RSPO4: variants seen among roughly 807,000 people sequenced by gnomAD.
The protein encoded by RSPO4 is R-spondin-4.
RSPO4 carries 23 observed loss-of-function variants against 24.8 expected under a neutral mutation model. The observed-to-expected ratio is 0.93, with a 90% CI of 0.67 to 1.31. RSPO4 has a LOEUF of 1.31. Among genes scored for constraint, RSPO4 ranks in the 40% most tolerant of loss-of-function variants. The pLI is 0.00. For missense variants in RSPO4, 333 were observed against 316.5 expected (o/e 1.05, Z -0.39); for synonymous variants, 141 against 127.4 (o/e 1.11, Z -0.72).
chr20:994,670 C>T (rs1769002655), intron 1 of RSPO4, among the ~76,000 whole-genome samples: 1 of 150,946 alleles, frequency 6.6e-6, no homozygotes, highest in Admixed American at 6.6e-5. Context: ...GATTCTCATG[C>T]CTCAGCCTCC....
intron 1 of RSPO4, among the ~76,000 whole-genome samples, chr20:979,608 G>C (rs1000844899): frequency 2.6e-5 from 4 of 152,188 alleles, no homozygotes; most frequent in Non-Finnish European, 5.9e-5. Context: ...TTCTCCCCAA[G>C]ATATGTAAGC....
intron 1 of RSPO4, among the ~76,000 whole-genome samples, chr20:983,295 T>TGGG (rs1984801045): frequency 1.3e-5 from 2 of 151,876 alleles, no homozygotes; most frequent in East Asian, 3.9e-4. Context: ...GAATGCAGTT[T>TGGG]CCTATCGGAA....
chr20:998,818 C>T (rs892277499), intron 1 of RSPO4, among the ~76,000 whole-genome samples: 2 of 152,148 alleles, frequency 1.3e-5, no homozygotes, highest in Non-Finnish European at 2.9e-5. Flanking sequence ...GAATGAAGCA[C>T]TGCCAATACC....
intron 1 of RSPO4, among the ~76,000 whole-genome samples, chr20:996,782 G>A (rs775723679): frequency 6.6e-6 from 1 of 152,040 alleles, no homozygotes; most frequent in Admixed American, 6.6e-5. Context: ...CCTCCATGAC[G>A]GGACTCTGGC....
intron 1 of RSPO4, among the ~76,000 whole-genome samples, chr20:980,305 C>T (rs1180039302): frequency 6.6e-6 from 1 of 152,114 alleles, no homozygotes; most frequent in Non-Finnish European, 1.5e-5. Context: ...TGCAGAGTCC[C>T]TTACCTACTG....
chr20:964,772 A>T (rs1002523714), intron 3 of RSPO4, among the ~76,000 whole-genome samples: 1 of 143,538 alleles, frequency 7.0e-6, no homozygotes, highest in Non-Finnish European at 1.5e-5. Flanking sequence ...ATACACACAC[A>T]CACACATATA....
At chr20:994,329 C>T (rs866145186) in intron 1 of RSPO4, among the ~76,000 whole-genome samples, 122 of 152,156 alleles carry the variant, frequency 8.0e-4, no homozygotes, top group African/African-American at 2.8e-3. Context: ...CCTGATGGTG[C>T]CTATAGCCCA....
intron 1 of RSPO4, among the ~76,000 whole-genome samples, chr20:994,463 G>A (rs1163658490): frequency 6.6e-6 from 1 of 152,134 alleles, no homozygotes; most frequent in Non-Finnish European, 1.5e-5. Context: ...TAACTCTAGA[G>A]GCCCTTAAGA....
rs759063553 is a variant in RSPO4 at position 960,390 on chromosome 20, G to A, written c.672C>T (p.Asp224=). The part of the protein sequence containing the change: ...RKDRKLDRRL[D]VRPRQPGLQP ...GCAGGCCGGGCTGGCGCGGCCTCACGTCCAGCCTGCGGTCCAGCTTCCTGT... is the reference window on the plus strand; with the variant it reads ...GCAGGCCGGGCTGGCGCGGCCTCACATCCAGCCTGCGGTCCAGCTTCCTGT... The change falls in exon 5 of 5, where the codon GAC becomes GAT. Residue 224 remains aspartate (D), a synonymous_variant. Coordinates refer to ENST00000217260, the MANE Select transcript of RSPO4 (RefSeq NM_001029871.4). The A allele has an allele frequency of 8.4e-6, 13 of 1,538,480 alleles. No individual in the cohort carries two copies. Among genetic ancestry groups the A allele is most frequent in the Middle Eastern group, 3.4e-4 (2 of 5,832 alleles).
At chr20:978,892 G>T (rs1040329450) in intron 1 of RSPO4, among the ~76,000 whole-genome samples, 1 of 151,960 alleles carries the variant, frequency 6.6e-6, no homozygotes, top group Non-Finnish European at 1.5e-5. Flanking sequence ...CCCCGCTAAG[G>T]TGCCAATACA....
chr20:963,210 C>T (rs962204881), intron 4 of RSPO4, among the ~76,000 whole-genome samples: 2 of 152,172 alleles, frequency 1.3e-5, no homozygotes, highest in African/African-American at 4.8e-5. Context: ...GACGAGCTGT[C>T]CCCCTGTTCC....
chr20:997,329 A>C (rs998377917), intron 1 of RSPO4, among the ~76,000 whole-genome samples: 1 of 152,204 alleles, frequency 6.6e-6, no homozygotes, highest in Non-Finnish European at 1.5e-5. Flanking sequence ...GAAAAGCAGC[A>C]TCTCTTTTGC....
intron 1 of RSPO4, among the ~76,000 whole-genome samples, chr20:999,709 A>G (rs981936953): frequency 2.0e-5 from 3 of 152,082 alleles, no homozygotes; most frequent in African/African-American, 7.2e-5. Flanking sequence ...AATTGCGGCC[A>G]TATCCCTACC....
intron 3 of RSPO4, among the ~76,000 whole-genome samples, chr20:964,781 T>TATATACAC (rs1984134149): frequency 5.9e-5 from 8 of 136,352 alleles, no homozygotes; most frequent in African/African-American, 2.5e-4. Context: ...CACACACATA[T>TATATACAC]ATATATACAC....
chr20:989,559 G>A (rs1405470862), intron 1 of RSPO4, among the ~76,000 whole-genome samples: 1 of 152,150 alleles, frequency 6.6e-6, no homozygotes, highest in Non-Finnish European at 1.5e-5. Flanking sequence ...AAAGGGGAAA[G>A]AGACCCAGTG....
At chr20:969,226 G>C (rs1334621546) in intron 1 of RSPO4, among the ~76,000 whole-genome samples, 2 of 152,264 alleles carry the variant, frequency 1.3e-5, no homozygotes, top group Non-Finnish European at 2.9e-5. Context: ...TAAGGTGGGA[G>C]GATCGCCTGA....
rs1984102748 is a variant in RSPO4 at position 964,085 on chromosome 20, G to C, written c.445C>G (p.Pro149Ala). 1.9e-5 allele frequency: 31 copies of C among 1,613,490 alleles called. No individual in the cohort carries two copies. Among genetic ancestry groups the C allele is most frequent in the Non-Finnish European group, 2.6e-5 (31 of 1,179,818 alleles). Residue 149 changes from proline to alanine, a missense_variant, in exon 4 of 5, where the codon CCC becomes GCC. Physicochemically the swap from Pro to Ala is conservative, Grantham distance 27 (BLOSUM62 -1). Transcript: ENST00000217260. ...CELGPWGGWS[P>A]CTHNGKTCGS... ...CAGGTCTTTCCATTGTGTGTGCAGGGGCTCCAGCCGCCCCAGGGACCCAGT... is the reference window on the plus strand; with the variant it reads ...CAGGTCTTTCCATTGTGTGTGCAGGCGCTCCAGCCGCCCCAGGGACCCAGT...
chr20:1,001,806 T>A (rs1436930218), intron 1 of RSPO4, among the ~76,000 whole-genome samples: 1 of 152,050 alleles, frequency 6.6e-6, no homozygotes, highest in African/African-American at 2.4e-5. Context: ...CACGAAGCCA[T>A]CCTCCTTTCT....
Position 985,044 on chromosome 20 carries a change from CAATCACCCACCCATCT to C in RSPO4, c.80-16922_80-16907del, listed in dbSNP as rs1268772022. On this transcript the variant is annotated intron_variant, in intron 1 of 4. Coordinates refer to ENST00000217260, the MANE Select transcript of RSPO4 (RefSeq NM_001029871.4). Reference sequence around the variant, plus strand: ...CCATCCACCAACCCATCTATCCATCCAATCACCCACCCATCTATCCATCCACCAACCCATCTATCCA... The same window carrying C: ...CCATCCACCAACCCATCTATCCATCCATCCATCCACCAACCCATCTATCCA... 9.9e-5 allele frequency among the ~76,000 whole-genome samples: 10 copies of C among 100,744 alleles called. 1 individual carries two copies. Among genetic ancestry groups the C allele is most frequent in the African/African-American group, 4.8e-4 (7 of 14,532 alleles). 66.1% of individuals were successfully genotyped at this position (100,744 alleles called of 152,430 possible).
Sources: gnomAD v4.1 joint callset for allele counts (sites outside exome capture counted in the v4.1 genomes callset) on GRCh38, gnomAD v4.1.1 for gene constraint, MANE v1.5 for transcripts, NCBI Gene and HGNC (gene_info 2026-07-23, HGNC 2026-07-21) for gene names.